PMPCB: variants seen among roughly 807,000 people sequenced by gnomAD.
The protein encoded by PMPCB is mitochondrial-processing peptidase subunit beta.
A neutral mutation model predicts 61.5 loss-of-function variants in PMPCB; 46 were observed. The ratio of observed to expected loss-of-function variants is 0.75; its 90% CI spans 0.59 to 0.96. The LOEUF (loss-of-function observed/expected upper bound fraction) is 0.96. Among genes scored for constraint, PMPCB ranks in the 40% least tolerant of loss-of-function variants. The pLI, the probability that PMPCB is intolerant of heterozygous loss-of-function variation, is 0.00. For missense variants in PMPCB, 590 were observed against 602.4 expected (o/e 0.98, Z 0.22); for synonymous variants, 191 against 201.6 (o/e 0.95, Z 0.44).
intron 6 of PMPCB, among the ~76,000 whole-genome samples, chr7:103,305,085 G>A (rs890391845): frequency 6.6e-6 from 1 of 152,214 alleles, no homozygotes; most frequent in African/African-American, 2.4e-5. Flanking sequence ...GGAAGATGGT[G>A]TTCTGTACTT....
rs752723439 is a variant in PMPCB at position 103,308,963 on chromosome 7, G to T, written c.861G>T (p.Arg287Ser). Reference protein sequence around the residue: ...CKFTGSEIRVRDDKMPLAHLA... With the variant: ...CKFTGSEIRVSDDKMPLAHLA... Reference sequence around the variant, plus strand: ...TTTATCTTAACTAGATTCGTGTGAGGGATGACAAGATGCCTTTGGCGCACC... The same window carrying T: ...TTTATCTTAACTAGATTCGTGTGAGTGATGACAAGATGCCTTTGGCGCACC... Residue 287 changes from arginine (R) to serine (S), a missense_variant, in exon 8 of 13, where the codon AGG becomes AGT. By Grantham distance (110) the Arg-to-Ser change is moderately radical. Coordinates refer to ENST00000249269, the MANE Select transcript of PMPCB (RefSeq NM_004279.3). The T allele has an allele frequency of 1.9e-6, 3 of 1,590,410 alleles. No individual in the cohort carries two copies. The highest frequency in any genetic ancestry group is 2.6e-6 in the Non-Finnish European group (3 of 1,168,254).
chr7:103,322,015 G>T, intron 12 of PMPCB: 1 of 1,613,686 alleles, frequency 6.2e-7, no homozygotes, highest in East Asian at 2.2e-5. Context: ...AGCAATGCTT[G>T]CTGTCTGACT....
At chr7:103,336,906 C>CT in the PMPCB span, 1 of 152,130 alleles carries the variant, frequency 6.6e-6, no homozygotes, top group Non-Finnish European at 1.5e-5. Context: ...TAAGTATTGA[C>CT]TAATAATTTT....
intron 6 of PMPCB, among the ~76,000 whole-genome samples, chr7:103,306,381 T>TG (rs1491228645): frequency 1.7e-4 from 25 of 148,116 alleles, no homozygotes; most frequent in African/African-American, 5.8e-4. Flanking sequence ...GTTCCTGAGT[T>TG]CTTTTTTTTT....
chr7:103,302,843 C>A (rs543930091), intron 4 of PMPCB, among the ~76,000 whole-genome samples: 10 of 151,956 alleles, frequency 6.6e-5, no homozygotes, highest in Admixed American at 3.9e-4. Context: ...AATTTTGAGT[C>A]CAGTCTGGGC....
intron 12 of PMPCB, chr7:103,322,133 A>C: frequency 7.6e-7 from 1 of 1,323,130 alleles, no homozygotes; most frequent in Non-Finnish European, 1.0e-6. Context: ...AAATTCCTAA[A>C]TGTTTTATAA....
At chr7:103,298,427 C>A in intron 1 of PMPCB, 141 bp from the exon 2 acceptor site, 1 of 837,122 alleles carries the variant, frequency 1.2e-6, no homozygotes, top group Non-Finnish European at 1.9e-6. Context: ...AGGCAGAGAT[C>A]TCAGTGGAAC....
chr7:103,297,569 C>A lies in PMPCB; in HGVS notation c.99+11C>A, dbSNP rs1359134871. 1 of 1,612,280 alleles carries A rather than the reference C, an allele frequency of 6.2e-7. No individual in the cohort carries two copies. Among genetic ancestry groups the A allele is most frequent in the South Asian group, 1.1e-5 (1 of 90,850 alleles). Reference sequence around the variant, plus strand: ...GGCGCTGCGGGACGGGTGAGCTTCCCTCCAGGCCGGTCCTGTCCTCGAGAT... The same window carrying A: ...GGCGCTGCGGGACGGGTGAGCTTCCATCCAGGCCGGTCCTGTCCTCGAGAT... On this transcript the variant is annotated intron_variant, in intron 1 of 12. Transcript: ENST00000249269.
chr7:103,338,141 G>A, the PMPCB span, among the ~76,000 whole-genome samples: 1 of 151,994 alleles, frequency 6.6e-6, no homozygotes, highest in East Asian at 1.9e-4. Flanking sequence ...GTGGTGGTGT[G>A]CACCTGTAGT....
downstream of PMPCB, among the ~76,000 whole-genome samples, chr7:103,334,252 G>C (rs898844892): frequency 4.0e-5 from 6 of 150,944 alleles, no homozygotes; most frequent in Admixed American, 1.3e-4. Flanking sequence ...TGCCCGGCCT[G>C]TTGTGAACGT....
chr7:103,305,977 A>T (rs1396440886), intron 6 of PMPCB, among the ~76,000 whole-genome samples: 1 of 152,242 alleles, frequency 6.6e-6, no homozygotes, highest in Non-Finnish European at 1.5e-5. Context: ...GTTCATTTTG[A>T]CATAGCTAAA....
chr7:103,310,055 T>C (rs1367864978), intron 8 of PMPCB, among the ~76,000 whole-genome samples: 1 of 152,218 alleles, frequency 6.6e-6, no homozygotes, highest in Non-Finnish European at 1.5e-5. Context: ...CATCTAGTTT[T>C]AGAAGTAGGT....
the PMPCB span, chr7:103,337,872 G>C: frequency 8.2e-7 from 1 of 1,217,522 alleles, no homozygotes; most frequent in Non-Finnish European, 1.2e-6. Context: ...TCCATCCCTT[G>C]TGTTCTGGTA....
chr7:103,317,271 C>T (rs1423936432), downstream of PMPCB: 1 of 402,752 alleles, frequency 2.5e-6, no homozygotes, highest in Non-Finnish European at 4.4e-6. Context: ...CTTCCATTAG[C>T]CTTGGACACT....
At chr7:103,342,843 C>T in the PMPCB span, among the ~76,000 whole-genome samples, 2 of 151,260 alleles carry the variant, frequency 1.3e-5, no homozygotes, top group South Asian at 2.1e-4. Context: ...CTCCTGACCT[C>T]GTGATCCACC....
At chr7:103,310,064 G>A (rs1162135338) in intron 8 of PMPCB, among the ~76,000 whole-genome samples, 1 of 152,122 alleles carries the variant, frequency 6.6e-6, no homozygotes, top group Non-Finnish European at 1.5e-5. Flanking sequence ...TTAGAAGTAG[G>A]TATAGCTACT....
chr7:103,301,383 C>CA, intron 4 of PMPCB, among the ~76,000 whole-genome samples: 1 of 152,178 alleles, frequency 6.6e-6, no homozygotes, highest in South Asian at 2.1e-4. Context: ...ATAACAAAAC[C>CA]AATAGAGACA....
intron 6 of PMPCB, 44 bp downstream of exon 6, chr7:103,304,534 T>A: frequency 8.2e-7 from 1 of 1,216,958 alleles, no homozygotes; most frequent in Non-Finnish European, 1.2e-6. Flanking sequence ...ACACAGTTGT[T>A]GGAGTGGTAT....
intron 4 of PMPCB, among the ~76,000 whole-genome samples, chr7:103,303,377 T>C (rs1470549826): frequency 2.6e-5 from 4 of 152,240 alleles, no homozygotes; most frequent in Non-Finnish European, 5.9e-5. Context: ...CCCAAAGTGC[T>C]GGGATTATAT....
Sources: gnomAD v4.1 joint callset for allele counts (sites outside exome capture counted in the v4.1 genomes callset) on GRCh38, gnomAD v4.1.1 for gene constraint, MANE v1.5 for transcripts, NCBI Gene and HGNC (gene_info 2026-07-23, HGNC 2026-07-21) for gene names.